Variants in VAV2 observed in about 807,000 individuals in gnomAD.
VAV2 encodes the protein guanine nucleotide exchange factor VAV2.
VAV2 carries 67 observed loss-of-function variants against 132.5 expected under a neutral mutation model. That is an observed-to-expected ratio of 0.51 (90% CI 0.42 to 0.62). The LOEUF is 0.62. VAV2 is among the 20% of genes least tolerant of loss of function. The pLI is 0.00. For missense variants in VAV2, 938 were observed against 1,153.6 expected (o/e 0.81, Z 2.71); for synonymous variants, 492 against 443.5 (o/e 1.11, Z -1.37).
chr9:133,933,884 T>TAATG (rs1564477366), intron 2 of VAV2, among the ~76,000 whole-genome samples: 4 of 19,638 alleles, frequency 2.0e-4, no homozygotes, highest in African/African-American at 3.9e-4. Flanking sequence ...GATGGATGAA[T>TAATG]GATGGATGGA....
At chr9:133,780,732 T>C in intron 19 of VAV2, 22 bp from the exon 20 acceptor site, 1 of 1,268,634 alleles carries the variant, frequency 7.9e-7, no homozygotes, top group Middle Eastern at 2.1e-4. Flanking sequence ...GCAGGTCAGG[T>C]GTTAGAGGGG....
Position 133,768,739 on chromosome 9 carries a change from G to A in VAV2, c.2435-143C>T. On this transcript the variant is annotated intron_variant, in intron 28 of 29. Transcript: ENST00000371850. This position sits in a 1 kb window ranked among gnomAD's most constrained non-coding sequence, Gnocchi z 5.3. ...AGAGAGGAAGGATGTCAAGCAGAAA[G>A]GCTCTGGAGGGACACACTGGCCTCC... The A allele has an allele frequency of 2.7e-6, 3 of 1,118,648 alleles. No individual in the cohort carries two copies. The highest frequency in any genetic ancestry group is 3.7e-6 in the Non-Finnish European group (3 of 809,386). 69.3% of individuals were successfully genotyped at this position (1,118,648 alleles called of 1,614,324 possible).
At chr9:133,866,578 C>T (rs1401617624) in intron 2 of VAV2, among the ~76,000 whole-genome samples, 2 of 152,050 alleles carry the variant, frequency 1.3e-5, no homozygotes, top group African/African-American at 4.8e-5. Context: ...CCAAGGTGGG[C>T]AGATCACTCG....
At chr9:133,982,271 G>A (rs375884101) in intron 1 of VAV2, among the ~76,000 whole-genome samples, 2 of 152,190 alleles carry the variant, frequency 1.3e-5, no homozygotes, top group Admixed American at 6.5e-5. Context: ...GGCGACGGCC[G>A]GCCGGCAGGA....
intron 2 of VAV2, among the ~76,000 whole-genome samples, chr9:133,921,215 G>T (rs1308383452): frequency 6.6e-6 from 1 of 152,206 alleles, no homozygotes; most frequent in African/African-American, 2.4e-5. Context: ...TGACAGCTCT[G>T]TGCGTGCCGG....
At chr9:133,777,735 G>T (rs1309971093) in intron 22 of VAV2, among the ~76,000 whole-genome samples, 3 of 152,204 alleles carry the variant, frequency 2.0e-5, no homozygotes, top group East Asian at 3.9e-4. Flanking sequence ...GTCATACCCG[G>T]GGAGGGACAG....
At chr9:133,849,980 C>A (rs1466445843) in intron 3 of VAV2, among the ~76,000 whole-genome samples, 1 of 152,188 alleles carries the variant, frequency 6.6e-6, no homozygotes, top group Non-Finnish European at 1.5e-5. Context: ...GAACACCATT[C>A]ACCCCATACA....
At chr9:133,829,580 C>T (rs1199209771) in intron 4 of VAV2, among the ~76,000 whole-genome samples, 1 of 152,230 alleles carries the variant, frequency 6.6e-6, no homozygotes, top group African/African-American at 2.4e-5. Flanking sequence ...TGATCTGTGA[C>T]ACTGATCACA....
Position 133,992,303 on chromosome 9 carries a change from A to T in VAV2, c.-25T>A. On this transcript the variant is annotated 5_prime_UTR_variant, in exon 1 of 30. Transcript: ENST00000371850. The surrounding 1 kb of genome is among the most constrained non-coding windows in gnomAD (Gnocchi z 5.5). ...TGGCGCCCGCGGGCCCGACCGGCTC[A>T]GGGCAGTGCTCGAGCCAAAGTGCAG... 7.2e-7 allele frequency: 1 copy of T among 1,382,706 alleles called. No individual in the cohort carries two copies. The highest frequency in any genetic ancestry group is 1.6e-5 in the South Asian group (1 of 61,130). 85.7% of individuals were successfully genotyped at this position (1,382,706 alleles called of 1,614,324 possible).
At chr9:133,811,982 T>C (rs1835373688) in intron 5 of VAV2, 132 bp downstream of exon 5, 6 of 861,996 alleles carry the variant, frequency 7.0e-6, no homozygotes, top group Non-Finnish European at 1.1e-5. Flanking sequence ...CCTCTGGACG[T>C]CCCCCTGCAC....
In VAV2 at chr9:133,969,897, G is replaced by A. The variant is rs1385299602; in HGVS notation, c.204+22178C>T. 1.3e-5 allele frequency among the ~76,000 whole-genome samples: 2 copies of A among 151,992 alleles called. No homozygotes were observed. Among genetic ancestry groups the A allele is most frequent in the South Asian group, 4.2e-4 (2 of 4,818 alleles). ...TGGAGCTTTCCAAAGCCAAATCTGA[G>A]CACGCCACATCTGCACCAACCCTGC... On this transcript the variant is annotated intron_variant, in intron 1 of 29. Coordinates refer to ENST00000371850, the MANE Select transcript of VAV2 (RefSeq NM_001134398.2). The surrounding 1 kb of genome is among the most constrained non-coding windows in gnomAD (Gnocchi z 5.1).
In VAV2 at chr9:133,912,210, A is replaced by C. The variant is rs1839908681; in HGVS notation, c.321+26893T>G. 6.6e-6 allele frequency among the ~76,000 whole-genome samples: 1 copy of C among 152,206 alleles called. No homozygotes were observed. The highest frequency in any genetic ancestry group is 2.1e-4 in the South Asian group (1 of 4,828). On this transcript the variant is annotated intron_variant, in intron 2 of 29. Coordinates refer to ENST00000371850, the MANE Select transcript of VAV2 (RefSeq NM_001134398.2). This position sits in a 1 kb window ranked among gnomAD's most constrained non-coding sequence, Gnocchi z 4.3. ...CCCGGCCTCCAACACACGTGGGAGA[A>C]GGGCTGACAACCAGGAGTGTTTTAG... is the stretch of plus-strand genomic sequence containing the variant.
chr9:133,796,560 C>G (rs760289569), intron 10 of VAV2, 36 bp from the exon 11 acceptor site: 3 of 1,584,722 alleles, frequency 1.9e-6, no homozygotes, highest in Admixed American at 1.7e-5. Context: ...GAGCCCTCCC[C>G]GAGGAAAGCC....
intron 1 of VAV2, among the ~76,000 whole-genome samples, chr9:133,963,155 C>T (rs1260107209): frequency 2.0e-5 from 3 of 152,172 alleles, no homozygotes; most frequent in Non-Finnish European, 4.4e-5. Context: ...CGGCAGAACT[C>T]GGGGTCGAAG....
intron 2 of VAV2, among the ~76,000 whole-genome samples, chr9:133,896,143 A>G (rs1232028624): frequency 1.2e-5 from 1 of 83,044 alleles, no homozygotes; most frequent in Non-Finnish European, 2.5e-5. Flanking sequence ...CTTAACGAGC[A>G]TAACACTAAA....
intron 3 of VAV2, among the ~76,000 whole-genome samples, chr9:133,855,267 G>A (rs1052976491): frequency 1.3e-5 from 2 of 152,356 alleles, no homozygotes; most frequent in Non-Finnish European, 2.9e-5. Context: ...ATTCGTTCAC[G>A]GAGGTGTGGG....
At chr9:133,776,178 T>A (rs1054798627) in intron 23 of VAV2, 98 bp from the exon 24 acceptor site, 13 of 1,515,520 alleles carry the variant, frequency 8.6e-6, no homozygotes, top group Non-Finnish European at 9.8e-6. Context: ...GTCCCCACAT[T>A]GGCTGCCCTG....
chr9:133,958,681 A>T (rs1435058746), intron 1 of VAV2, among the ~76,000 whole-genome samples: 1 of 151,846 alleles, frequency 6.6e-6, no homozygotes, highest in Non-Finnish European at 1.5e-5. Flanking sequence ...TTCTTTTCCA[A>T]GTCTCTCGTT....
In VAV2 at chr9:133,900,838, G is replaced by A. The variant is rs374234336; in HGVS notation, c.321+38265C>T. ...TTTTGAGACAGGGTCTTGCTCTGTC[G>A]CCCAGGCTAGAGTGCAGTGGCAGGA... On this transcript the variant is annotated intron_variant, in intron 2 of 29. Coordinates refer to ENST00000371850, the MANE Select transcript of VAV2 (RefSeq NM_001134398.2). 1.2e-4 allele frequency among the ~76,000 whole-genome samples: 18 copies of A among 148,534 alleles called. No homozygotes were observed. In the East Asian group the frequency reaches 2.6e-3, roughly 21 times the overall value.
Sources: allele counts gnomAD v4.1 joint callset (sites outside exome capture counted in the v4.1 genomes callset), GRCh38; gene constraint gnomAD v4.1.1; non-coding constraint Gnocchi (gnomAD v3.1); transcripts MANE v1.5; gene names NCBI Gene and HGNC (gene_info 2026-07-23, HGNC 2026-07-21).